PCDH11X: variants seen among roughly 807,000 people sequenced by gnomAD.
PCDH11X encodes protocadherin-11 X-linked.
PCDH11X carries 18 observed loss-of-function variants against 53.3 expected under a neutral mutation model. The observed-to-expected ratio is 0.34, with a 90% CI of 0.23 to 0.50. The LOEUF (loss-of-function observed/expected upper bound fraction) is 0.50. Ranked by LOEUF, PCDH11X falls within the 20% of genes least tolerant of loss-of-function variation. The pLI is 0.98. For synonymous variants in PCDH11X, 279 were observed against 393.3 expected (o/e 0.71, Z 3.44); for missense variants, 570 against 1,032.4 (o/e 0.55, Z 6.14).
chrX:91,847,415 A>G (rs1286501497), intron 5 of PCDH11X, among the ~76,000 whole-genome samples: 1 of 111,531 alleles, frequency 9.0e-6, no homozygotes, highest in Non-Finnish European at 1.9e-5. Flanking sequence ...GGATGGGTAT[A>G]TCATTTATCC....
At chrX:92,148,173 CTTCTTTCT>C (rs1260262520) in intron 6 of PCDH11X, among the ~76,000 whole-genome samples, 2 of 8,391 alleles carry the variant, frequency 2.4e-4, no homozygotes, top group African/African-American at 4.4e-4. Context: ...TCCTTCCTTC[CTTCTTTCT>C]TTCTTTCTTT....
At position 91,814,679 on chromosome X, in the gene PCDH11X, T is replaced by G. The variant is rs764782488; in HGVS notation, c.-45+3384T>G. ...AATTGAGATCCATTATGCAAATGAT[T>G]ATGTATTTATGATTAAACCTTCTTT... On this transcript the variant is annotated intron_variant, in intron 4 of 10. Coordinates refer to ENST00000682573, the MANE Select transcript of PCDH11X (RefSeq NM_032968.5). Among the ~76,000 whole-genome samples the G allele has an allele frequency of 2.4e-3, 223 of 92,112 alleles. 1 individual carries two copies. Among genetic ancestry groups the G allele is most frequent in the African/African-American group, 8.4e-3 (211 of 25,007 alleles). The allele number at this position is 92,112 out of a possible 115,157, so 80.0% of individuals were successfully genotyped here.
chrX:91,807,275 T>C (rs1377779771), intron 1 of PCDH11X, among the ~76,000 whole-genome samples: 1 of 109,702 alleles, frequency 9.1e-6, no homozygotes, highest in East Asian at 2.8e-4. Context: ...AGCCCCGGAG[T>C]TGGAGGCTGT....
intron 6 of PCDH11X, among the ~76,000 whole-genome samples, chrX:91,892,175 C>T (rs1407007968): frequency 9.3e-6 from 1 of 107,905 alleles, no homozygotes. Context: ...TCAGTCACAT[C>T]CAAGCCAACA....
intron 10 of PCDH11X, among the ~76,000 whole-genome samples, chrX:92,592,953 T>C (rs1269442373): frequency 9.0e-6 from 1 of 111,381 alleles, no homozygotes; most frequent in African/African-American, 3.3e-5. Flanking sequence ...TATCTACATG[T>C]ATGTATGTAG....
intron 6 of PCDH11X, among the ~76,000 whole-genome samples, chrX:92,118,275 TA>T (rs757524098): frequency 1.0e-4 from 11 of 108,863 alleles, no homozygotes; most frequent in Non-Finnish European, 1.9e-4. Context: ...TAATGTTTCA[TA>T]AAAATATTTC....
At chrX:92,471,105 CT>C (rs201259460) in intron 10 of PCDH11X, among the ~76,000 whole-genome samples, 21,169 of 94,508 alleles carry the variant, frequency 0.22, 2,411 homozygotes, top group African/African-American at 0.32. Flanking sequence ...TATATTTTTT[CT>C]TTTTTTTTTT....
chrX:92,257,498 G>A (rs1193335773), intron 7 of PCDH11X, among the ~76,000 whole-genome samples: 2 of 111,781 alleles, frequency 1.8e-5, no homozygotes, highest in African/African-American at 3.3e-5. Context: ...CTGAGAGTAG[G>A]CTAGTCCCTT....
At chrX:92,152,188 C>A (rs866652221) in intron 6 of PCDH11X, among the ~76,000 whole-genome samples, 3 of 85,192 alleles carry the variant, frequency 3.5e-5, no homozygotes, top group African/African-American at 1.3e-4. Context: ...CTTCATTGTG[C>A]GCAAGTGCCT....
chrX:92,242,394 C>T (rs1405683652), intron 7 of PCDH11X, among the ~76,000 whole-genome samples: 2 of 110,929 alleles, frequency 1.8e-5, no homozygotes, highest in African/African-American at 3.3e-5. Context: ...ATTTTGGGAT[C>T]GGCTTTTTCA....
chrX:92,589,586 C>A (rs1924800125), intron 10 of PCDH11X, among the ~76,000 whole-genome samples: 1 of 111,370 alleles, frequency 9.0e-6, no homozygotes, highest in African/African-American at 3.3e-5. Flanking sequence ...GAAAAACATA[C>A]AATGGATACA....
chrX:92,494,014 C>T (rs761945136), intron 10 of PCDH11X, among the ~76,000 whole-genome samples: 16 of 106,714 alleles, frequency 1.5e-4, no homozygotes, highest in Admixed American at 1.3e-3. Context: ...TTTTCTTTCC[C>T]TTCACAAGGC....
intron 6 of PCDH11X, among the ~76,000 whole-genome samples, chrX:91,896,316 G>A (rs1045545401): frequency 9.1e-6 from 1 of 109,813 alleles, no homozygotes; most frequent in African/African-American, 3.3e-5. Flanking sequence ...CTTTTTAGTA[G>A]AGATGAGGTT....
intron 10 of PCDH11X, among the ~76,000 whole-genome samples, chrX:92,616,347 T>A (rs1181084719): frequency 2.8e-5 from 2 of 71,603 alleles, no homozygotes; most frequent in Non-Finnish European, 5.2e-5. Context: ...TATTTTCTAA[T>A]AGAAGTTGTA....
chrX:92,541,909 A>G (rs1249233129), intron 10 of PCDH11X, among the ~76,000 whole-genome samples: 1 of 110,332 alleles, frequency 9.1e-6, no homozygotes, highest in Non-Finnish European at 1.9e-5. Flanking sequence ...AGATCGTGCC[A>G]CTGCACTCCA....
rs746472852 is a variant in PCDH11X, at chrX:92,517,330, A to G, written c.3367+49008A>G. ...GCATCAGAGATCTCTCTGAAAGCCA[A>G]TTCAGGCTCTTGAGAAAATTGTCAA... On this transcript the variant is annotated intron_variant, in intron 10 of 10. Coordinates refer to ENST00000682573, the MANE Select transcript of PCDH11X (RefSeq NM_032968.5). 1.6e-3 allele frequency among the ~76,000 whole-genome samples: 177 copies of G among 112,156 alleles called. 1 individual carries two copies. Among genetic ancestry groups the G allele is most frequent in the African/African-American group, 5.5e-3 (170 of 30,917 alleles).
rs772446373 is a variant in PCDH11X, at chrX:92,271,144, AG to A, written c.3144+8002del. 2.7e-5 allele frequency among the ~76,000 whole-genome samples: 3 copies of A among 112,418 alleles called. No individual in the cohort carries two copies. In the Admixed American group the frequency reaches 2.8e-4, roughly 11 times the overall value. On this transcript the variant is annotated intron_variant, in intron 8 of 10. Coordinates refer to ENST00000682573, the MANE Select transcript of PCDH11X (RefSeq NM_032968.5). Reference sequence around the variant, plus strand: ...CCTTCTTCACTGGTTAAGAATCTCCAGTAATTCAGTTCTCTTTTTCTTCCTG... The same window carrying A: ...CCTTCTTCACTGGTTAAGAATCTCCATAATTCAGTTCTCTTTTTCTTCCTG...
chrX:91,996,033 G>C (rs2062414263), intron 6 of PCDH11X, among the ~76,000 whole-genome samples: 1 of 107,108 alleles, frequency 9.3e-6, no homozygotes, highest in African/African-American at 3.4e-5. Flanking sequence ...AGTAGAGACG[G>C]GGTTTCACCA....
chrX:91,806,931 T>C (rs1433922028), intron 1 of PCDH11X, among the ~76,000 whole-genome samples: 3 of 111,972 alleles, frequency 2.7e-5, no homozygotes, highest in East Asian at 5.6e-4. Flanking sequence ...TGTGGTCTTA[T>C]AGATGTATGC....
Sources: gnomAD v4.1 joint callset for allele counts (sites outside exome capture counted in the v4.1 genomes callset) on GRCh38, gnomAD v4.1.1 for gene constraint, MANE v1.5 for transcripts, NCBI Gene and HGNC (gene_info 2026-07-23, HGNC 2026-07-21) for gene names.